BCHE: variants seen among roughly 807,000 people sequenced by gnomAD.
The protein encoded by BCHE is cholinesterase.
Under a neutral mutation model 51.3 loss-of-function variants are expected in BCHE, and 48 were observed. The ratio of observed to expected loss-of-function variants is 0.94; its 90% CI spans 0.74 to 1.19. The LOEUF (loss-of-function observed/expected upper bound fraction) is 1.19, where lower values mean the gene tolerates loss of function less well. Ranked by LOEUF, BCHE falls within the 50% of genes most tolerant of loss-of-function variation. The probability of loss-of-function intolerance (pLI) is 0.00; values close to 1 mark genes in which losing one functional copy is unlikely to be tolerated. For synonymous variants in BCHE, 251 were observed against 238.0 expected (o/e 1.05, Z -0.50); for missense variants, 847 against 708.2 (o/e 1.20, Z -2.23).
chr3:165,824,134 C>A (rs1714635688), intron 2 of BCHE, among the ~76,000 whole-genome samples: 1 of 151,542 alleles, frequency 6.6e-6, no homozygotes, highest in African/African-American at 2.4e-5. Flanking sequence ...AAATTGTATA[C>A]TTATATTTTT....
chr3:165,811,622 G>C (rs962985953), intron 2 of BCHE, among the ~76,000 whole-genome samples: 2 of 151,878 alleles, frequency 1.3e-5, no homozygotes, highest in Non-Finnish European at 2.9e-5. Flanking sequence ...TTGGAATTCT[G>C]TTCTCAGTAT....
chr3:165,777,480 T>A (rs1429712135), intron 3 of BCHE, among the ~76,000 whole-genome samples: 3 of 151,988 alleles, frequency 2.0e-5, no homozygotes, highest in Non-Finnish European at 4.4e-5. Context: ...ATGTCAAGAT[T>A]TCGAATGATC....
At chr3:165,825,550 T>C (rs1485707943) in intron 2 of BCHE, among the ~76,000 whole-genome samples, 1 of 152,038 alleles carries the variant, frequency 6.6e-6, no homozygotes, top group African/African-American at 2.4e-5. Flanking sequence ...ATAGGATATG[T>C]ATCTTTTTAT....
intron 2 of BCHE, among the ~76,000 whole-genome samples, chr3:165,791,396 A>G (rs1713158852): frequency 6.6e-6 from 1 of 152,174 alleles, no homozygotes; most frequent in African/African-American, 2.4e-5. Flanking sequence ...AAGGTGACCA[A>G]TTAGGAGGCT....
In BCHE at chr3:165,799,267, T is replaced by G. The variant is rs146214707; in HGVS notation, c.1518-12956A>C. 2.0e-3 allele frequency among the ~76,000 whole-genome samples: 310 copies of G among 152,280 alleles called. 7 individuals carry two copies. The East Asian group carries it at 0.041, about 20-fold the overall frequency. On this transcript the variant is annotated intron_variant, in intron 2 of 3. Coordinates refer to ENST00000264381, the MANE Select transcript of BCHE (RefSeq NM_000055.4). ...CATGAGAATATAATTGCCTTACATA[T>G]TCTTCCTGCTTTAGAAAAGCTGTAT...
At position 165,830,945 on chromosome 3, in the gene BCHE, T is replaced by A. The variant is rs1159731976; in HGVS notation, c.89A>T (p.Asp30Val). Reference protein sequence around the residue: ...CMLIGKSHTEDDIIIATKNGK... With the variant: ...CMLIGKSHTEVDIIIATKNGK... Reference sequence around the variant, plus strand: ...ATTCTTTGTTGCAATTATGATGTCATCTTCAGTATGTGACTTCCCAATAAG... The same window carrying A: ...ATTCTTTGTTGCAATTATGATGTCAACTTCAGTATGTGACTTCCCAATAAG... The change falls in exon 2 of 4, where the codon GAT becomes GTT. Residue 30 changes from aspartate (D) to valine (V), a missense_variant. Coordinates refer to ENST00000264381, the MANE Select transcript of BCHE (RefSeq NM_000055.4). The A allele has an allele frequency of 6.2e-7, 1 of 1,613,732 alleles. No individual in the cohort carries two copies. The highest frequency in any genetic ancestry group is 1.3e-5 in the African/African-American group (1 of 74,888).
At position 165,830,335 on chromosome 3, in the gene BCHE, G is replaced by T. The variant is rs769497610; in HGVS notation, c.699C>A (p.Ser233Arg). The change falls in exon 2 of 4, where the codon AGC becomes AGA. Residue 233 changes from serine (S) to arginine (R), a missense_variant. Ser to Arg is a moderately radical substitution (Grantham distance 110). Coordinates refer to ENST00000264381, the MANE Select transcript of BCHE (RefSeq NM_000055.4). ...FGESAGAASVSLHLLSPGSHS... is the reference protein window; with the variant it reads ...FGESAGAASVRLHLLSPGSHS... ...GGCTTCCAGGAGAAAGCAAATGCAG[G>T]CTAACTGAAGCTGCTCCTGCACTTT... 1 of 1,613,930 alleles carries T rather than the reference G, an allele frequency of 6.2e-7. No homozygotes were observed. The highest frequency in any genetic ancestry group is 8.5e-7 in the Non-Finnish European group (1 of 1,179,940).
intron 2 of BCHE, among the ~76,000 whole-genome samples, chr3:165,792,559 G>A (rs938056018): frequency 4.6e-5 from 7 of 152,156 alleles, no homozygotes; most frequent in African/African-American, 1.7e-4. Context: ...TGAAAAACAA[G>A]ATGCCATTAT....
intron 2 of BCHE, among the ~76,000 whole-genome samples, chr3:165,795,252 T>G (rs1713331647): frequency 6.6e-6 from 1 of 152,214 alleles, no homozygotes; most frequent in Admixed American, 6.5e-5. Context: ...TCAATGTCCT[T>G]CATCTGCTGA....
At chr3:165,815,975 C>G (rs1714300447) in intron 2 of BCHE, among the ~76,000 whole-genome samples, 1 of 151,784 alleles carries the variant, frequency 6.6e-6, no homozygotes. Flanking sequence ...TTGCCTTCTG[C>G]CTATGCCTTC....
At chr3:165,778,770 A>T (rs1166521781) in intron 3 of BCHE, 3 of 411,656 alleles carry the variant, frequency 7.3e-6, no homozygotes, top group South Asian at 3.4e-5. Flanking sequence ...TTGACAAAAA[A>T]GACTTTTTAA....
At chr3:165,783,239 C>T (rs1373299384) in intron 3 of BCHE, among the ~76,000 whole-genome samples, 1 of 152,024 alleles carries the variant, frequency 6.6e-6, no homozygotes, top group Non-Finnish European at 1.5e-5. Context: ...CAATAAATCT[C>T]AATCATTAAT....
chr3:165,791,296 G>A (rs939684472), intron 2 of BCHE, among the ~76,000 whole-genome samples: 1 of 151,770 alleles, frequency 6.6e-6, no homozygotes, highest in East Asian at 1.9e-4. Flanking sequence ...CTCCATCTTG[G>A]GGGGCGGGCG....
At chr3:165,821,589 A>T (rs1714519367) in intron 2 of BCHE, among the ~76,000 whole-genome samples, 1 of 152,018 alleles carries the variant, frequency 6.6e-6, no homozygotes, top group East Asian at 1.9e-4. Flanking sequence ...CATTAAAAAC[A>T]TTAGAGAACA....
intron 2 of BCHE, among the ~76,000 whole-genome samples, chr3:165,826,096 T>TA (rs1408311943): frequency 3.3e-5 from 5 of 151,916 alleles, no homozygotes; most frequent in Non-Finnish European, 7.4e-5. Context: ...ACAGTTTCTT[T>TA]AAAAAAAATA....
intron 2 of BCHE, among the ~76,000 whole-genome samples, chr3:165,817,748 C>G (rs926630764): frequency 2.0e-5 from 3 of 151,998 alleles, no homozygotes; most frequent in Non-Finnish European, 4.4e-5. Flanking sequence ...TTCCAGAACT[C>G]TCACCATGAT....
chr3:165,785,432 CAT>C (rs1712907243), intron 3 of BCHE, among the ~76,000 whole-genome samples: 5 of 151,752 alleles, frequency 3.3e-5, no homozygotes, highest in Admixed American at 3.3e-4. Context: ...TAAGGTGACA[CAT>C]GTTTGATCAC....
At chr3:165,811,711 C>T (rs1714104522) in intron 2 of BCHE, among the ~76,000 whole-genome samples, 1 of 151,888 alleles carries the variant, frequency 6.6e-6, no homozygotes, top group Non-Finnish European at 1.5e-5. Flanking sequence ...TGATAGTGTA[C>T]ACAGATAACC....
chr3:165,830,413 T>C lies in BCHE; in HGVS notation c.621A>G (p.Gln207=), dbSNP rs1380208709. The change falls in exon 2 of 4, where the codon CAA becomes CAG. Residue 207 remains glutamine (Q), a synonymous_variant. Coordinates refer to ENST00000264381, the MANE Select transcript of BCHE (RefSeq NM_000055.4). ...FDQQLALQWV[Q]KNIAAFGGNP... ...TTCCACCAAAGGCTGCTATATTTTT[T>C]TGAACCCACTGAAGAGCCAACTGTT... The C allele has an allele frequency of 6.2e-7, 1 of 1,613,870 alleles. No individual in the cohort carries two copies. Among genetic ancestry groups the C allele is most frequent in the Non-Finnish European group, 8.5e-7 (1 of 1,179,948 alleles).
Sources: gnomAD v4.1 joint callset for allele counts (sites outside exome capture counted in the v4.1 genomes callset) on GRCh38, gnomAD v4.1.1 for gene constraint, MANE v1.5 for transcripts, NCBI Gene and HGNC (gene_info 2026-07-23, HGNC 2026-07-21) for gene names.